VPS13C: variants seen among roughly 807,000 people sequenced by gnomAD.
VPS13C encodes the protein vacuolar protein sorting 13 homolog C.
VPS13C carries 358 observed loss-of-function variants against 456.8 expected under a neutral mutation model. The ratio of observed to expected loss-of-function variants is 0.78; its 90% CI spans 0.72 to 0.86. The LOEUF (loss-of-function observed/expected upper bound fraction) is 0.86, where lower values mean the gene tolerates loss of function less well. Ranked by LOEUF, VPS13C falls within the 40% of genes least tolerant of loss-of-function variation. The pLI is 0.00. For missense variants in VPS13C, 4,818 were observed against 4,385.4 expected (o/e 1.10, Z -2.79); for synonymous variants, 1,578 against 1,486.7 (o/e 1.06, Z -1.41).
chr15:61,875,217 C>A (rs1249000239), intron 76 of VPS13C, among the ~76,000 whole-genome samples: 1 of 152,006 alleles, frequency 6.6e-6, no homozygotes, highest in Admixed American at 6.6e-5. Context: ...TTGAAGTTGG[C>A]CTCCCAGAAC....
At position 61,996,998 on chromosome 15, in the gene VPS13C, C is replaced by CATATATAT. The variant is rs35381809; in HGVS notation, c.1353+3558_1353+3565dup. Among the ~76,000 whole-genome samples, 957 of 145,558 alleles carry CATATATAT rather than the reference C, an allele frequency of 6.6e-3. 9 individuals are homozygous for CATATATAT. Among genetic ancestry groups the CATATATAT allele is most frequent in the South Asian group, 0.041 (191 of 4,682 alleles). Reference sequence around the variant, plus strand: ...CTTGCCTATATATTTTACATACATACATATATATATATATGTATAGAATAT... The same window carrying CATATATAT: ...CTTGCCTATATATTTTACATACATACATATATATATATATATATATATGTATAGAATAT... On this transcript the variant is annotated intron_variant, in intron 16 of 84. Transcript: ENST00000644861.
chr15:61,945,950 A>G lies in VPS13C; in HGVS notation c.4981-68T>C, dbSNP rs531982846. 1.9e-5 allele frequency: 25 copies of G among 1,312,442 alleles called. No individual in the cohort carries two copies. The Middle Eastern group carries it at 5.9e-4, about 31-fold the overall frequency. 81.3% of individuals were successfully genotyped at this position (1,312,442 alleles called of 1,614,324 possible). ...TATAGCCCTTATCAATGTATTATAA[A>G]TAAGTTCTCGTATTACAGAATCCTT... is the stretch of plus-strand genomic sequence containing the variant. On this transcript the variant is annotated intron_variant, in intron 44 of 84. Transcript: ENST00000644861.
Position 61,852,916 on chromosome 15 carries a change from C to T in VPS13C, c.*1541G>A, listed in dbSNP as rs1235590335. The T allele has an allele frequency of 6.6e-6, 1 of 152,090 alleles. No homozygotes were observed. The highest frequency in any genetic ancestry group is 1.5e-5 in the Non-Finnish European group (1 of 68,004). 9.4% of individuals were successfully genotyped at this position (152,090 alleles called of 1,614,324 possible). A position where few individuals can be genotyped will look rare whatever the true frequency, so the allele number is the denominator to read the frequency against. On this transcript the variant is annotated 3_prime_UTR_variant, in exon 85 of 85. Transcript: ENST00000644861. Reference sequence around the variant, plus strand: ...CCTTAAAAAACATGAATGATGATGACAGAACCACTATCACACATAAACAAA... The same window carrying T: ...CCTTAAAAAACATGAATGATGATGATAGAACCACTATCACACATAAACAAA...
Position 61,980,212 on chromosome 15 carries a change from A to AAG in VPS13C, c.2166+1128_2166+1129dup, listed in dbSNP as rs1567069459. 1.2e-3 allele frequency among the ~76,000 whole-genome samples: 162 copies of AAG among 139,672 alleles called. 1 individual carries two copies. In the East Asian group the frequency reaches 0.019, roughly 16 times the overall value. The allele number at this position is 139,672 out of a possible 152,430, so 91.6% of individuals were successfully genotyped here. On this transcript the variant is annotated intron_variant, in intron 22 of 84. Coordinates refer to ENST00000644861, the MANE Select transcript of VPS13C (RefSeq NM_020821.3). ...AAAAAAAAAAAAAAAAAAAAAAAAA[A>AAG]AGAGAGAGAGAGATGAAACATGGCT... is the stretch of plus-strand genomic sequence containing the variant.
chr15:61,869,566 C>G lies in VPS13C; in HGVS notation c.10682G>C (p.Gly3561Ala), dbSNP rs770954722. Residue 3561 changes from glycine (G) to alanine (A), a missense_variant, in exon 80 of 85, where the codon GGT (glycine) becomes GCT (alanine). Coordinates refer to ENST00000644861, the MANE Select transcript of VPS13C (RefSeq NM_020821.3). ...FFKGIGKGLV[G>A]AVARPTGGIV... Reference sequence around the variant, plus strand: ...TCCACCAGTTGGACGGGCCACAGCACCCACAAGCCCTTTTCCAATTCCTTT... The same window carrying G: ...TCCACCAGTTGGACGGGCCACAGCAGCCACAAGCCCTTTTCCAATTCCTTT... 5 of 1,614,000 alleles carry G rather than the reference C, an allele frequency of 3.1e-6. No homozygotes were observed. Among genetic ancestry groups the G allele is most frequent in the Non-Finnish European group, 4.2e-6 (5 of 1,180,018 alleles).
Position 61,969,415 on chromosome 15 carries a change from T to C in VPS13C, c.2795A>G (p.Asp932Gly). The C allele has an allele frequency of 1.1e-5, 17 of 1,569,666 alleles. No individual in the cohort carries two copies. Among genetic ancestry groups the C allele is most frequent in the Non-Finnish European group, 1.5e-5 (17 of 1,156,406 alleles). The change falls in exon 28 of 85, where the codon GAT becomes GGT. Residue 932 changes from aspartate (D) to glycine (G), a missense_variant. By Grantham distance (94) the Asp-to-Gly change is moderately conservative (BLOSUM62 -1). Transcript: ENST00000644861. Reference sequence around the variant, plus strand: ...AGTAACATTAAATACTAGAATTGTATCTTCTTCTTTCTGCTGTTTAGTAAA... The same window carrying C: ...AGTAACATTAAATACTAGAATTGTACCTTCTTCTTTCTGCTGTTTAGTAAA... Reference protein sequence around the residue: ...LEFTKQQKEEDTILVFNVTQL... With the variant: ...LEFTKQQKEEGTILVFNVTQL...
intron 42 of VPS13C, among the ~76,000 whole-genome samples, chr15:61,949,189 A>G (rs186752727): frequency 7.2e-4 from 109 of 152,332 alleles, no homozygotes; most frequent in African/African-American, 2.6e-3. Context: ...CATAAAGTAC[A>G]TACAATTTCT....
At chr15:61,958,541 T>C (rs2045085907) in intron 37 of VPS13C, 67 bp downstream of exon 37, 1 of 876,088 alleles carries the variant, frequency 1.1e-6, no homozygotes, top group Non-Finnish European at 1.8e-6. Flanking sequence ...TTTTATTTGC[T>C]GATTCCCTAC....
At chr15:61,908,398 G>T (rs149663645) in intron 65 of VPS13C, among the ~76,000 whole-genome samples, 1 of 150,946 alleles carries the variant, frequency 6.6e-6, no homozygotes, top group African/African-American at 2.4e-5. Flanking sequence ...AAAATTATAC[G>T]ATACTTTAAG....
chr15:61,863,695 T>A (rs1894352730), intron 81 of VPS13C, 167 bp from the exon 82 acceptor site: 1 of 448,504 alleles, frequency 2.2e-6, no homozygotes, highest in Non-Finnish European at 4.0e-6. Flanking sequence ...TCACAGCATG[T>A]TTGTAAGTTA....
intron 16 of VPS13C, among the ~76,000 whole-genome samples, chr15:61,999,012 G>C (rs2046497743): frequency 6.6e-6 from 1 of 152,166 alleles, no homozygotes; most frequent in Admixed American, 6.5e-5. Context: ...AAAAATATGT[G>C]TTAATCAACT....
chr15:61,852,931 AC>A lies in VPS13C; in HGVS notation c.*1525del, dbSNP rs1446427464. On this transcript the variant is annotated 3_prime_UTR_variant, in exon 85 of 85. Coordinates refer to ENST00000644861, the MANE Select transcript of VPS13C (RefSeq NM_020821.3). ...ATGATGATGACAGAACCACTATCAC[AC>A]ATAAACAAAAATAGAGCAAACCAAG... The A allele has an allele frequency of 1.3e-5, 2 of 152,204 alleles. No individual in the cohort carries two copies. The highest frequency in any genetic ancestry group is 2.9e-5 in the Non-Finnish European group (2 of 68,032). The allele number at this position is 152,204 out of a possible 1,614,324, so 9.4% of individuals were successfully genotyped here. A position where few individuals can be genotyped will look rare whatever the true frequency, so the allele number is the denominator to read the frequency against.
In VPS13C at chr15:61,867,207, T is replaced by C; in HGVS notation, c.10863+1452A>G. On this transcript the variant is annotated intron_variant, in intron 81 of 84. Transcript: ENST00000644861. This position sits in a 1 kb window ranked among gnomAD's most constrained non-coding sequence, Gnocchi z 5.0. ...ATCTACATTAATTAAAACTAATAAT[T>C]ATGAAATAAGCATAACCAACAAGGA... 1.0e-6 allele frequency: 1 copy of C among 982,660 alleles called. No individual in the cohort carries two copies. Among genetic ancestry groups the C allele is most frequent in the Non-Finnish European group, 1.2e-6 (1 of 827,436 alleles). 60.9% of individuals were successfully genotyped at this position (982,660 alleles called of 1,614,324 possible).
chr15:61,974,342 C>A lies in VPS13C; in HGVS notation c.2484G>T (p.Leu828Phe). The A allele has an allele frequency of 1.2e-6, 2 of 1,612,702 alleles. No individual in the cohort carries two copies. The highest frequency in any genetic ancestry group is 1.7e-6 in the Non-Finnish European group (2 of 1,179,050). The change falls in exon 25 of 85, where the codon TTG (leucine) becomes TTT (phenylalanine). Residue 828 changes from leucine (L) to phenylalanine (F), a missense_variant. This residue lies in a region of VPS13C where 4,552 missense variants were observed against 4,130.6 expected (regional missense o/e 1.10). Transcript: ENST00000644861. ...TCTGTGGCAAAGGTATACTGTTCAT[C>A]AAATATAGCACATCTTTCATCTTCT... is the stretch of plus-strand genomic sequence containing the variant. ...SDQKMKDVLY[L>F]MNSIPLPQKS...
rs150907142 is a variant in VPS13C at position 61,893,145 on chromosome 15, G to A, written c.9106-2745C>T. The stretch of plus-strand genomic sequence containing the variant: ...AGGTAAAGGTCACAGATGACCAAAC[G>A]GATTCAATCCAAAGAAGACTACCCT... On this transcript the variant is annotated intron_variant, in intron 66 of 84. Transcript: ENST00000644861. Among the ~76,000 whole-genome samples the A allele has an allele frequency of 2.1e-3, 315 of 152,190 alleles. 1 individual carries two copies. Among genetic ancestry groups the A allele is most frequent in the African/African-American group, 7.1e-3 (293 of 41,510 alleles).
At chr15:61,936,194 A>C (rs932903618) in intron 48 of VPS13C, among the ~76,000 whole-genome samples, 1 of 152,342 alleles carries the variant, frequency 6.6e-6, no homozygotes, top group East Asian at 1.9e-4. Context: ...AGTCCAGATA[A>C]ATAAAGCTGT....
intron 15 of VPS13C, among the ~76,000 whole-genome samples, chr15:62,001,968 G>T (rs1008589011): frequency 6.6e-6 from 1 of 152,096 alleles, no homozygotes; most frequent in Non-Finnish European, 1.5e-5. Flanking sequence ...GAATAATGCC[G>T]CAATAAACAT....
At chr15:61,999,949 A>G (rs2046547809) in intron 16 of VPS13C, among the ~76,000 whole-genome samples, 1 of 151,950 alleles carries the variant, frequency 6.6e-6, no homozygotes, top group Non-Finnish European at 1.5e-5. Flanking sequence ...ATACGCAGGT[A>G]TATAAGCATG....
intron 27 of VPS13C, among the ~76,000 whole-genome samples, chr15:61,969,705 G>A (rs2045488964): frequency 6.6e-6 from 1 of 152,014 alleles, no homozygotes; most frequent in Non-Finnish European, 1.5e-5. Flanking sequence ...TAGTAAAATA[G>A]GAATGTATAG....
Sources: allele counts gnomAD v4.1 joint callset (sites outside exome capture counted in the v4.1 genomes callset), GRCh38; gene constraint gnomAD v4.1.1; regional missense constraint gnomAD v4.1.1; non-coding constraint Gnocchi (gnomAD v3.1); transcripts MANE v1.5; gene names NCBI Gene and HGNC (gene_info 2026-07-23, HGNC 2026-07-21).